SH3TC1: variants seen among roughly 807,000 people sequenced by gnomAD.
SH3TC1 encodes SH3 domain and tetratricopeptide repeats 1, also known as SH3 domain and tetratricopeptide repeat-containing protein 1.
Under a neutral mutation model 117.3 loss-of-function variants are expected in SH3TC1, and 135 were observed. The ratio of observed to expected loss-of-function variants is 1.15; its 90% CI spans 1.00 to 1.33. The LOEUF (loss-of-function observed/expected upper bound fraction) is 1.33, where lower values mean the gene tolerates loss of function less well. Among genes scored for constraint, SH3TC1 ranks in the 40% most tolerant of loss-of-function variants. The pLI is 0.00. For missense variants in SH3TC1, 2,092 were observed against 1,794.3 expected (o/e 1.17, Z -3.00); for synonymous variants, 898 against 816.9 (o/e 1.10, Z -1.69).
intron 7 of SH3TC1, 115 bp downstream of exon 7, chr4:8,217,282 T>C: frequency 1.6e-6 from 2 of 1,261,706 alleles, no homozygotes; most frequent in Non-Finnish European, 2.2e-6. Flanking sequence ...CGGACAGACC[T>C]GGCCATGGCC....
At chr4:8,191,814 G>C (rs539525705) in intron 1 of SH3TC1, among the ~76,000 whole-genome samples, 80 of 152,090 alleles carry the variant, frequency 5.3e-4, no homozygotes, top group African/African-American at 1.9e-3. Context: ...GCTTGTTTGT[G>C]TTTCTGGGAA....
rs369498949 is a variant in SH3TC1, at chr4:8,206,039, C to T, written c.172+673C>T. Reference sequence around the variant, plus strand: ...CAGTCTCCTCTTAGCTGCCTATGTCCCTGTCTTGGGACTCCAGGGCTTGGC... The same window carrying T: ...CAGTCTCCTCTTAGCTGCCTATGTCTCTGTCTTGGGACTCCAGGGCTTGGC... On this transcript the variant is annotated intron_variant, in intron 2 of 17. Transcript: ENST00000245105. This position sits in a 1 kb window ranked among gnomAD's most constrained non-coding sequence, Gnocchi z 5.5. The T allele has an allele frequency of 3.1e-5, 8 of 261,688 alleles. No individual in the cohort carries two copies. The East Asian group carries it at 5.0e-4, about 16-fold the overall frequency. The allele number at this position is 261,688 out of a possible 1,614,324, so 16.2% of individuals were successfully genotyped here. A position where few individuals can be genotyped will look rare whatever the true frequency, so the allele number is the denominator to read the frequency against.
Position 8,225,117 on chromosome 4 carries a change from CA to C in SH3TC1, c.1244-57del. The C allele has an allele frequency of 1.2e-6, 2 of 1,601,232 alleles. No homozygotes were observed. The highest frequency in any genetic ancestry group is 2.2e-5 in the South Asian group (2 of 89,912). ...CAACATCGACACTAGCTCAACCTGG[CA>C]GGGGACCAGAGGTACTGGCTGGGGG... On this transcript the variant is annotated intron_variant, in intron 10 of 17. Transcript: ENST00000245105. The surrounding 1 kb of genome is among the most constrained non-coding windows in gnomAD (Gnocchi z 5.5).
chr4:8,240,613 T>C, intron 17 of SH3TC1, 85 bp from the exon 18 acceptor site: 1 of 1,573,440 alleles, frequency 6.4e-7, no homozygotes, highest in Non-Finnish European at 8.6e-7. Flanking sequence ...TGGCCGGACA[T>C]GTGGAATGAC....
chr4:8,221,158 A>G (rs1373478810), intron 9 of SH3TC1, among the ~76,000 whole-genome samples: 1 of 152,188 alleles, frequency 6.6e-6, no homozygotes, highest in African/African-American at 2.4e-5. Context: ...GGTCTAGCTG[A>G]TCCCTACCAT....
At chr4:8,219,040 G>A (rs1163815859) in intron 8 of SH3TC1, among the ~76,000 whole-genome samples, 1 of 152,142 alleles carries the variant, frequency 6.6e-6, no homozygotes, top group Admixed American at 6.5e-5. Context: ...CGGGGGTTGT[G>A]GCTGCAGAAG....
intron 12 of SH3TC1, 84 bp downstream of exon 12, chr4:8,228,728 G>A: frequency 8.3e-7 from 1 of 1,210,218 alleles, no homozygotes. Context: ...GACACAAGCG[G>A]TGGTTTTTCC....
chr4:8,219,467 C>T lies in SH3TC1; in HGVS notation c.1049C>T (p.Ala350Val), dbSNP rs1456996407. ...CTGCCCTGGTGCGTGGGCCGACACG[C>T]AGCCTCGGGCCGGGTGGGGTTTGTG... ...PSLPWCVGRH[A>V]ASGRVGFVRS... Residue 350 changes from alanine (A) to valine (V), a missense_variant, in exon 9 of 18, where the codon GCA becomes GTA. Transcript: ENST00000245105. 5 of 1,607,226 alleles carry T rather than the reference C, an allele frequency of 3.1e-6. No homozygotes were observed. Among genetic ancestry groups the T allele is most frequent in the East Asian group, 4.5e-5 (2 of 44,626 alleles).
chr4:8,227,331 C>A lies in SH3TC1; in HGVS notation c.1637C>A (p.Ala546Asp). Residue 546 changes from alanine (A) to aspartate (D), a missense_variant, in exon 12 of 18, where the codon GCC becomes GAC. Ala to Asp is a moderately radical substitution (Grantham distance 126, BLOSUM62 -2). Transcript: ENST00000245105. ...GAGCTGACTGGGCGCCTGGCACAGG[C>A]CCGGGGGGCGGCCAAGAAAGCTGGC... ...EEELTGRLAQ[A>D]RGAAKKAGLL... 1 of 1,606,336 alleles carries A rather than the reference C, an allele frequency of 6.2e-7. No homozygotes were observed. Among genetic ancestry groups the A allele is most frequent in the Non-Finnish European group, 8.5e-7 (1 of 1,177,242 alleles).
At chr4:8,214,454 T>G (rs763974291) in intron 4 of SH3TC1, 21 bp from the exon 5 acceptor site, 41 of 1,611,114 alleles carry the variant, frequency 2.5e-5, no homozygotes, top group Non-Finnish European at 3.3e-5. Flanking sequence ...ACCTCTCGAA[T>G]TCCTATTTCT....
At chr4:8,218,642 G>C (rs1281139) in intron 8 of SH3TC1, among the ~76,000 whole-genome samples, 150,129 of 152,374 alleles carry the variant, frequency 0.99, 73,994 homozygotes, top group East Asian at 1. Context: ...GCCACTGTCT[G>C]CAAAGAGCTC....
chr4:8,237,148 GC>G (rs1486339818), intron 16 of SH3TC1: 1 of 307,382 alleles, frequency 3.3e-6, no homozygotes, highest in Admixed American at 5.1e-5. Context: ...TCTGTGGGTT[GC>G]CTGGAGCCCT....
chr4:8,195,695 CAG>C (rs147082456), upstream of SH3TC1, among the ~76,000 whole-genome samples: 2,366 of 152,270 alleles, frequency 0.016, 78 homozygotes, highest in African/African-American at 0.054. Context: ...AAAACAAACA[CAG>C]GGGAAGCCAA....
In SH3TC1 at chr4:8,217,159, A is replaced by G. The variant is rs747012745; in HGVS notation, c.831A>G (p.Pro277=). The G allele has an allele frequency of 1.7e-5, 27 of 1,607,508 alleles. No homozygotes were observed. The highest frequency in any genetic ancestry group is 2.3e-5 in the Non-Finnish European group (27 of 1,177,192). Residue 277 remains proline (P), a synonymous_variant, in exon 7 of 18, where the codon CCA becomes CCG. Coordinates refer to ENST00000245105, the MANE Select transcript of SH3TC1 (RefSeq NM_018986.5). ...CGGCCGCCCCGGAGCCTTTGATTCC[A>G]TTTCATCAGTAGGTACCGGCCTTTG... is the stretch of plus-strand genomic sequence containing the variant. ...AVAAAPEPLI[P]FHQWALRIPQ...
Position 8,228,559 on chromosome 4 carries a change from C to G in SH3TC1, c.2865C>G (p.Leu955=), listed in dbSNP as rs1250197029. The change falls in exon 12 of 18, where the codon CTC becomes CTG. Residue 955 remains leucine (L), a synonymous_variant. Coordinates refer to ENST00000245105, the MANE Select transcript of SH3TC1 (RefSeq NM_018986.5). ...FTHVLLQLGH[L]CTRQGPAQQG... is the part of the protein sequence containing the mutation. ...ACGTGCTCCTGCAGCTGGGCCATCT[C>G]TGCACCCGCCAGGGCCCGGCCCAGC... 6.2e-7 allele frequency: 1 copy of G among 1,604,586 alleles called. No individual in the cohort carries two copies. Among genetic ancestry groups the G allele is most frequent in the East Asian group, 2.2e-5 (1 of 44,730 alleles).
rs534135986 is a variant in SH3TC1 at position 8,206,511 on chromosome 4, G to C, written c.172+1145G>C. Among the ~76,000 whole-genome samples, 46 of 152,298 alleles carry C rather than the reference G, an allele frequency of 3.0e-4. 1 individual carries two copies. Among genetic ancestry groups the C allele is most frequent in the African/African-American group, 1.1e-3 (45 of 41,586 alleles). ...GAGCTGGGAGCCTCTGGGAAGGGGA[G>C]TGGTAGGAGTTGGAAGCCTTTGCCC... On this transcript the variant is annotated intron_variant, in intron 2 of 17. Coordinates refer to ENST00000245105, the MANE Select transcript of SH3TC1 (RefSeq NM_018986.5). The surrounding 1 kb of genome is among the most constrained non-coding windows in gnomAD (Gnocchi z 5.5).
At chr4:8,182,939 G>A (rs551168628) in intron 1 of SH3TC1, among the ~76,000 whole-genome samples, 1 of 152,306 alleles carries the variant, frequency 6.6e-6, no homozygotes, top group South Asian at 2.1e-4. Flanking sequence ...CTTCTCTCAG[G>A]GCTGGACTTG....
At chr4:8,216,604 C>T (rs991554242) in intron 6 of SH3TC1, among the ~76,000 whole-genome samples, 4 of 152,214 alleles carry the variant, frequency 2.6e-5, no homozygotes, top group African/African-American at 4.8e-5. Context: ...CTTTCCTACC[C>T]GACCACAGCA....
In SH3TC1 at chr4:8,209,883, G is replaced by A; in HGVS notation, c.247+61G>A. 6.4e-7 allele frequency: 1 copy of A among 1,550,910 alleles called. No homozygotes were observed. Among genetic ancestry groups the A allele is most frequent in the African/African-American group, 1.4e-5 (1 of 73,766 alleles). On this transcript the variant is annotated intron_variant, in intron 3 of 17. Coordinates refer to ENST00000245105, the MANE Select transcript of SH3TC1 (RefSeq NM_018986.5). This position sits in a 1 kb window ranked among gnomAD's most constrained non-coding sequence, Gnocchi z 5.9. ...CAAATCCGGGCTGTGCCGCTCCCTG[G>A]GCATCCAAGAGTCCAACCCAGGGCT...
Sources: gnomAD v4.1 joint callset for allele counts (sites outside exome capture counted in the v4.1 genomes callset) on GRCh38, gnomAD v4.1.1 for gene constraint, Gnocchi (gnomAD v3.1) non-coding constraint, MANE v1.5 for transcripts, NCBI Gene and HGNC (gene_info 2026-07-23, HGNC 2026-07-21) for gene names.